Variants in ZNF468 observed in about 807,000 individuals in gnomAD.
ZNF468 encodes zinc finger protein 468.
ZNF468 carries 8 observed loss-of-function variants against 7.2 expected under a neutral mutation model. The observed-to-expected ratio is 1.11, with a 90% CI of 0.65 to 2.01. The LOEUF is 2.01. ZNF468 is among the 30% of genes most tolerant of loss of function. The probability of loss-of-function intolerance (pLI) is 0.00; values close to 1 mark genes in which losing one functional copy is unlikely to be tolerated. For missense variants in ZNF468, 608 were observed against 626.5 expected, an observed-to-expected ratio of 0.97 and a Z score of 0.31; for synonymous variants, 218 against 214.4, an observed-to-expected ratio of 1.02 and a Z score of -0.15.
rs1462821883 is a variant in ZNF468, at chr19:52,841,136, T to G, written c.1158A>C (p.Glu386Asp). 2.5e-6 allele frequency: 4 copies of G among 1,613,170 alleles called. No homozygotes were observed. Among genetic ancestry groups the G allele is most frequent in the Non-Finnish European group, 2.5e-6 (3 of 1,179,636 alleles). Residue 386 changes from glutamate (E) to aspartate (D), a missense_variant, in exon 4 of 4, where the codon GAA (glutamate) becomes GAC (aspartate). Coordinates refer to ENST00000595646, the MANE Select transcript of ZNF468 (RefSeq NM_001008801.2). ...LHTGEKPYKC[E>D]ECDKVFSRKS... ...TGCGACTGAAAACTTTGTCACACTCTTCACATTTGTAAGGTTTCTCTCCAG... is the reference window on the plus strand; with the variant it reads ...TGCGACTGAAAACTTTGTCACACTCGTCACATTTGTAAGGTTTCTCTCCAG...
chr19:52,848,814 G>T (rs1476430579), intron 3 of ZNF468, among the ~76,000 whole-genome samples: 2 of 152,116 alleles, frequency 1.3e-5, no homozygotes, highest in Non-Finnish European at 2.9e-5. Flanking sequence ...GCCTCCCAAG[G>T]TACTGGGATG....
rs781704250 is a variant in ZNF468 at position 52,841,891 on chromosome 19, G to C, written c.403C>G (p.Arg135Gly). The change falls in exon 4 of 4, where the codon CGT (arginine) becomes GGT (glycine). Residue 135 changes from arginine to glycine, a missense_variant. Coordinates refer to ENST00000595646, the MANE Select transcript of ZNF468 (RefSeq NM_001008801.2). ...CTTGATCCAAGCTGATCTTTAATACGCTTGTTTCCAGCATGCCTTTGATCA... is the reference window on the plus strand; with the variant it reads ...CTTGATCCAAGCTGATCTTTAATACCCTTGTTTCCAGCATGCCTTTGATCA... ...QHDQRHAGNK[R>G]IKDQLGSSFH... is the part of the protein sequence containing the mutation. 6 of 1,613,948 alleles carry C rather than the reference G, an allele frequency of 3.7e-6. No homozygotes were observed. The highest frequency in any genetic ancestry group is 1.6e-4 in the Middle Eastern group (1 of 6,084).
intron 2 of ZNF468, among the ~76,000 whole-genome samples, chr19:52,852,408 G>A (rs1319818828): frequency 1.3e-5 from 2 of 152,040 alleles, no homozygotes; most frequent in African/African-American, 2.4e-5. Context: ...AGGCATGGTG[G>A]CTCACGCCTG....
At chr19:52,849,784 G>A (rs868714954) in intron 2 of ZNF468, among the ~76,000 whole-genome samples, 1 of 149,486 alleles carries the variant, frequency 6.7e-6, no homozygotes, top group Non-Finnish European at 1.5e-5. Flanking sequence ...AGCACCTGTG[G>A]TCCCAGCTAC....
At position 52,842,025 on chromosome 19, in the gene ZNF468, A is replaced by G. The variant is rs1326471592; in HGVS notation, c.269T>C (p.Ile90Thr). 6.2e-7 allele frequency: 1 copy of G among 1,613,826 alleles called. No homozygotes were observed. The highest frequency in any genetic ancestry group is 8.5e-7 in the Non-Finnish European group (1 of 1,179,942). Reference sequence around the variant, plus strand: ...CTCGAAGCCATGAATGTCTTTCTCAATTTCATGGAAACAAAATTCTCCAAT... The same window carrying G: ...CTCGAAGCCATGAATGTCTTTCTCAGTTTCATGGAAACAAAATTCTCCAAT... ...HHIGEFCFHE[I>T]EKDIHGFEFQ... is the part of the protein sequence containing the mutation. The change falls in exon 4 of 4, where the codon ATT becomes ACT. Residue 90 changes from isoleucine to threonine, a missense_variant. Coordinates refer to ENST00000595646, the MANE Select transcript of ZNF468 (RefSeq NM_001008801.2).
chr19:52,854,849 A>T (rs2147746936), intron 1 of ZNF468, among the ~76,000 whole-genome samples: 1 of 152,056 alleles, frequency 6.6e-6, no homozygotes, highest in Non-Finnish European at 1.5e-5. Flanking sequence ...ACATGGTGAC[A>T]CCCTGTCTCT....
rs756904256 is a variant in ZNF468, at chr19:52,841,875, A to C, written c.419T>G (p.Leu140Arg). Reference sequence around the variant, plus strand: ...CAGATGCAAATGAAAGCTTGATCCAAGCTGATCTTTAATACGCTTGTTTCC... The same window carrying C: ...CAGATGCAAATGAAAGCTTGATCCACGCTGATCTTTAATACGCTTGTTTCC... ...HAGNKRIKDQ[L>R]GSSFHLHLPE... The change falls in exon 4 of 4, where the codon CTT becomes CGT. Residue 140 changes from leucine (L) to arginine (R), a missense_variant. Coordinates refer to ENST00000595646, the MANE Select transcript of ZNF468 (RefSeq NM_001008801.2). 1.9e-6 allele frequency: 3 copies of C among 1,614,090 alleles called. No homozygotes were observed. Among genetic ancestry groups the C allele is most frequent in the Non-Finnish European group, 1.7e-6 (2 of 1,180,012 alleles).
At chr19:52,847,051 A>G (rs1330872316) in intron 3 of ZNF468, among the ~76,000 whole-genome samples, 1 of 100,768 alleles carries the variant, frequency 9.9e-6, no homozygotes, top group African/African-American at 4.2e-5. Flanking sequence ...GGGTGCAAAG[A>G]AAGTGTGGGG....
rs780087793 is a variant in ZNF468 at position 52,840,816 on chromosome 19, T to C, written c.1478A>G (p.Lys493Arg). ...IIHRRLHTGE[K>R]PYKCNECGKT... The stretch of plus-strand genomic sequence containing the variant: ...GCCACACTCATTACACTTGTAAGGT[T>C]TCTCTCCAGTATGAAGCCTACGATG... Residue 493 changes from lysine (K) to arginine (R), a missense_variant, in exon 4 of 4, where the codon AAA (lysine) becomes AGA (arginine). Coordinates refer to ENST00000595646, the MANE Select transcript of ZNF468 (RefSeq NM_001008801.2). The C allele has an allele frequency of 6.2e-7, 1 of 1,608,576 alleles. No individual in the cohort carries two copies. Among genetic ancestry groups the C allele is most frequent in the Non-Finnish European group, 8.5e-7 (1 of 1,177,562 alleles).
In ZNF468 at chr19:52,843,369, A is replaced by G. The variant is rs115810574; in HGVS notation, c.143-1218T>C. 5.6e-3 allele frequency among the ~76,000 whole-genome samples: 852 copies of G among 152,058 alleles called. 18 individuals are homozygous for G. The highest frequency in any genetic ancestry group is 0.02 in the African/African-American group (814 of 41,456). ...TTGCCTTAGGTCCTGAGCACCTGGGATTACAGGCATGTGCCACCATGCCCA... is the reference window on the plus strand; with the variant it reads ...TTGCCTTAGGTCCTGAGCACCTGGGGTTACAGGCATGTGCCACCATGCCCA... On this transcript the variant is annotated intron_variant, in intron 3 of 3. Transcript: ENST00000595646.
chr19:52,854,718 G>C (rs1355637801), intron 1 of ZNF468, among the ~76,000 whole-genome samples: 1 of 152,110 alleles, frequency 6.6e-6, no homozygotes, highest in Non-Finnish European at 1.5e-5. Context: ...GTGAAAGCCT[G>C]TCTCTACTAA....
At chr19:52,853,585 G>A (rs2063409073) in intron 2 of ZNF468, among the ~76,000 whole-genome samples, 1 of 152,010 alleles carries the variant, frequency 6.6e-6, no homozygotes, top group Admixed American at 6.6e-5. Flanking sequence ...CAGCTACTAG[G>A]TGGGCTGAGG....
At chr19:52,842,951 G>A (rs371290152) in intron 3 of ZNF468, among the ~76,000 whole-genome samples, 189 of 150,192 alleles carry the variant, frequency 1.3e-3, no homozygotes, top group East Asian at 0.012. Flanking sequence ...GTGAAACCCC[G>A]TCGCTACTAA....
At chr19:52,854,446 C>T (rs900541119) in intron 1 of ZNF468, 101 bp from the exon 2 acceptor site, 1 of 1,236,488 alleles carries the variant, frequency 8.1e-7, no homozygotes, top group South Asian at 1.4e-5. Flanking sequence ...GAAATACGGT[C>T]CCCTCTGCTG....
chr19:52,846,277 G>A (rs2063341359), intron 3 of ZNF468, among the ~76,000 whole-genome samples: 1 of 151,952 alleles, frequency 6.6e-6, no homozygotes, highest in Admixed American at 6.6e-5. Context: ...TCAGCTCACC[G>A]CAACCTCTGC....
chr19:52,856,254 T>C (rs2063437529), intron 1 of ZNF468, among the ~76,000 whole-genome samples: 1 of 152,034 alleles, frequency 6.6e-6, no homozygotes, highest in Admixed American at 6.6e-5. Context: ...GCTGAGGTGG[T>C]TCACACCTGT....
rs556758852 is a variant in ZNF468, at chr19:52,841,841, C to T, written c.453G>A (p.Pro151=). The change falls in exon 4 of 4, where the codon CCG becomes CCA. Residue 151 remains proline (P), a synonymous_variant. Coordinates refer to ENST00000595646, the MANE Select transcript of ZNF468 (RefSeq NM_001008801.2). ...TTTTCCCTTCAGACTGAAATATGTG[C>T]GGTTCAGGCAGATGCAAATGAAAGC... ...GSSFHLHLPE[P]HIFQSEGKIG... 5.0e-6 allele frequency: 8 copies of T among 1,613,984 alleles called. No homozygotes were observed. The highest frequency in any genetic ancestry group is 2.2e-5 in the East Asian group (1 of 44,872).
At chr19:52,847,876 G>A (rs114056312) in intron 3 of ZNF468, among the ~76,000 whole-genome samples, 3,696 of 152,146 alleles carry the variant, frequency 0.024, 157 homozygotes, top group African/African-American at 0.084. Context: ...AATACTGAGG[G>A]AACTCAAGAG....
chr19:52,846,672 T>C (rs1422113048), intron 3 of ZNF468: 2 of 156,798 alleles, frequency 1.3e-5, no homozygotes, highest in Admixed American at 6.5e-5. Context: ...AAACCACTTA[T>C]ATGTTTACAA....
Sources: gnomAD v4.1 joint callset for allele counts (sites outside exome capture counted in the v4.1 genomes callset) on GRCh38, gnomAD v4.1.1 for gene constraint, MANE v1.5 for transcripts, NCBI Gene and HGNC (gene_info 2026-07-23, HGNC 2026-07-21) for gene names.